Variants in EXOC4 observed in about 807,000 individuals in gnomAD.
EXOC4 encodes the protein SEC8-like 1.
Under a neutral mutation model 107.2 loss-of-function variants are expected in EXOC4, and 71 were observed. The ratio of observed to expected loss-of-function variants is 0.66; its 90% CI spans 0.55 to 0.81. The LOEUF (loss-of-function observed/expected upper bound fraction) is 0.81. Ranked by LOEUF, EXOC4 falls within the 30% of genes least tolerant of loss-of-function variation. EXOC4 has a pLI of 0.00. For missense variants in EXOC4, 1,108 were observed against 1,189.6 expected, an observed-to-expected ratio of 0.93 and a Z score of 1.01; for synonymous variants, 456 against 441.2, an observed-to-expected ratio of 1.03 and a Z score of -0.42.
At chr7:133,439,217 G>T (rs566752835) in intron 7 of EXOC4, among the ~76,000 whole-genome samples, 1 of 111,744 alleles carries the variant, frequency 8.9e-6, no homozygotes, top group Non-Finnish European at 1.6e-5. Context: ...ATGGAGTCTC[G>T]CTGTCTCGCC....
At chr7:133,277,057 G>C (rs973911835) in intron 2 of EXOC4, among the ~76,000 whole-genome samples, 1 of 152,024 alleles carries the variant, frequency 6.6e-6, no homozygotes, top group Non-Finnish European at 1.5e-5. Flanking sequence ...CGCCTCCCGG[G>C]TTCAAGCGAT....
intron 9 of EXOC4, among the ~76,000 whole-genome samples, chr7:133,515,032 A>G (rs944105507): frequency 1.3e-5 from 2 of 152,192 alleles, no homozygotes; most frequent in Non-Finnish European, 2.9e-5. Flanking sequence ...TTAATATATT[A>G]ATGTCAAAAT....
chr7:133,967,052 G>A (rs1014819282), intron 14 of EXOC4, among the ~76,000 whole-genome samples: 1 of 152,088 alleles, frequency 6.6e-6, no homozygotes, highest in Non-Finnish European at 1.5e-5. Flanking sequence ...GTTTAGTCTT[G>A]GGAGGGTGTA....
intron 14 of EXOC4, among the ~76,000 whole-genome samples, chr7:133,971,857 C>A (rs1007267586): frequency 1.2e-4 from 18 of 152,224 alleles, no homozygotes; most frequent in Non-Finnish European, 2.6e-4. Context: ...CTGATGGAGA[C>A]CGCAGTCAGG....
intron 14 of EXOC4, among the ~76,000 whole-genome samples, chr7:133,994,657 A>G (rs1330417176): frequency 1.3e-5 from 2 of 152,206 alleles, no homozygotes; most frequent in African/African-American, 2.4e-5. Flanking sequence ...TCAAGCACTT[A>G]CATATTTAAA....
intron 7 of EXOC4, among the ~76,000 whole-genome samples, chr7:133,397,587 A>G (rs1412145647): frequency 6.6e-6 from 1 of 152,018 alleles, no homozygotes. Context: ...AAGAATTAAT[A>G]TTTTGCCTCT....
intron 9 of EXOC4, among the ~76,000 whole-genome samples, chr7:133,597,553 T>G: frequency 2.8e-5 from 1 of 36,102 alleles, no homozygotes; most frequent in East Asian, 7.1e-4. Flanking sequence ...AAACTCTGTT[T>G]CAAAAAAAAA....
chr7:133,676,845 C>A (rs2151063581), intron 10 of EXOC4, among the ~76,000 whole-genome samples: 1 of 151,034 alleles, frequency 6.6e-6, no homozygotes, highest in South Asian at 2.1e-4. Context: ...GTAGGAGTTT[C>A]TTATGTATAT....
intron 14 of EXOC4, among the ~76,000 whole-genome samples, chr7:133,996,262 A>G (rs1468417160): frequency 1.3e-5 from 2 of 152,238 alleles, no homozygotes; most frequent in African/African-American, 2.4e-5. Context: ...ACTTTACAAA[A>G]TAAAATAATA....
At chr7:133,278,023 TTTTC>T (rs934441039) in intron 2 of EXOC4, among the ~76,000 whole-genome samples, 3 of 109,596 alleles carry the variant, frequency 2.7e-5, no homozygotes, top group Non-Finnish European at 2.1e-5. Flanking sequence ...TGAGTTGAAA[TTTTC>T]TTTCTATTTT....
intron 8 of EXOC4, among the ~76,000 whole-genome samples, chr7:133,476,907 G>A (rs1203835715): frequency 2.6e-5 from 4 of 152,046 alleles, no homozygotes; most frequent in South Asian, 2.1e-4. Flanking sequence ...TTTCTATTGC[G>A]ATCACGAGGT....
intron 5 of EXOC4, among the ~76,000 whole-genome samples, chr7:133,328,053 A>G (rs1302140784): frequency 1.3e-5 from 2 of 152,264 alleles, no homozygotes; most frequent in East Asian, 1.9e-4. Flanking sequence ...AAAGTCTCCA[A>G]CTATTATTGT....
In EXOC4 at chr7:134,014,796, T is replaced by TA. The variant is rs374325144; in HGVS notation, c.2687+6971dup. Among the ~76,000 whole-genome samples the TA allele has an allele frequency of 3.9e-3, 575 of 148,344 alleles. 6 individuals are homozygous for TA. Among genetic ancestry groups the TA allele is most frequent in the African/African-American group, 0.013 (543 of 40,556 alleles). ...TGAATTATATCTCGATGAAGGAGTTTAAAAAAAAAAGAGGTTGAGTTTTAA... is the reference window on the plus strand; with the variant it reads ...TGAATTATATCTCGATGAAGGAGTTTAAAAAAAAAAAGAGGTTGAGTTTTAA... On this transcript the variant is annotated intron_variant, in intron 17 of 17. Transcript: ENST00000253861.
chr7:133,782,520 G>A (rs1796488424), intron 10 of EXOC4, among the ~76,000 whole-genome samples: 1 of 152,156 alleles, frequency 6.6e-6, no homozygotes, highest in Non-Finnish European at 1.5e-5. Context: ...TTGAACAGAT[G>A]AAACTCAGAT....
intron 9 of EXOC4, among the ~76,000 whole-genome samples, chr7:133,569,638 G>A (rs1388844099): frequency 2.6e-5 from 4 of 152,132 alleles, no homozygotes; most frequent in South Asian, 2.1e-4. Flanking sequence ...ATGTATATAC[G>A]TAGGTATGTG....
intron 17 of EXOC4, among the ~76,000 whole-genome samples, chr7:134,017,894 G>T (rs920488375): frequency 2.0e-5 from 3 of 152,108 alleles, no homozygotes; most frequent in African/African-American, 7.2e-5. Context: ...ATAATTTAGG[G>T]TTCCTCGAGA....
At chr7:133,348,817 C>CT (rs1171788303) in intron 5 of EXOC4, among the ~76,000 whole-genome samples, 1 of 152,114 alleles carries the variant, frequency 6.6e-6, no homozygotes, top group Non-Finnish European at 1.5e-5. Flanking sequence ...ATATAAATGA[C>CT]TTTTTTTGAT....
At chr7:133,802,238 G>A (rs921991800) in intron 10 of EXOC4, among the ~76,000 whole-genome samples, 1 of 152,176 alleles carries the variant, frequency 6.6e-6, no homozygotes, top group African/African-American at 2.4e-5. Flanking sequence ...TTTCTGAACT[G>A]TAATTTCCTC....
chr7:133,752,773 C>A (rs906461556), intron 10 of EXOC4, among the ~76,000 whole-genome samples: 1 of 152,176 alleles, frequency 6.6e-6, no homozygotes, highest in African/African-American at 2.4e-5. Flanking sequence ...CTTGACTCAA[C>A]GTGTAAATGT....
Sources: gnomAD v4.1 joint callset for allele counts (sites outside exome capture counted in the v4.1 genomes callset) on GRCh38, gnomAD v4.1.1 for gene constraint, MANE v1.5 for transcripts, NCBI Gene and HGNC (gene_info 2026-07-23, HGNC 2026-07-21) for gene names.